GALNT13: variants seen among roughly 807,000 people sequenced by gnomAD.
GALNT13 encodes polypeptide N-acetylgalactosaminyltransferase 13.
Under a neutral mutation model 64.2 loss-of-function variants are expected in GALNT13, and 28 were observed. That is an observed-to-expected ratio of 0.44 (90% CI 0.32 to 0.60). GALNT13 has a LOEUF of 0.60. Among genes scored for constraint, GALNT13 ranks in the 20% least tolerant of loss-of-function variants. GALNT13 has a pLI of 0.05. For synonymous variants in GALNT13, 214 were observed against 224.6 expected (o/e 0.95, Z 0.42); for missense variants, 577 against 669.8 (o/e 0.86, Z 1.53).
At chr2:154,402,074 G>A (rs1699325968) in intron 10 of GALNT13, among the ~76,000 whole-genome samples, 2 of 152,100 alleles carry the variant, frequency 1.3e-5, no homozygotes, top group African/African-American at 4.8e-5. Context: ...AAAGAAAAGA[G>A]AAAACAAATG....
chr2:154,213,271 G>C (rs1330693038), intron 4 of GALNT13, among the ~76,000 whole-genome samples: 1 of 151,960 alleles, frequency 6.6e-6, no homozygotes, highest in Non-Finnish European at 1.5e-5. Context: ...GTAGATATGG[G>C]GTTTTGCCAT....
the GALNT13 span, among the ~76,000 whole-genome samples, chr2:153,527,582 A>C: frequency 9.0e-3 from 1,369 of 152,256 alleles, 25 homozygotes; most frequent in African/African-American, 0.032. Flanking sequence ...TAATCACCTG[A>C]ATGTACAAAA....
the GALNT13 span, among the ~76,000 whole-genome samples, chr2:153,843,114 G>T: frequency 6.6e-6 from 1 of 151,984 alleles, no homozygotes; most frequent in African/African-American, 2.4e-5. Context: ...AGATATATTA[G>T]GCTATTTTTG....
intron 3 of GALNT13, among the ~76,000 whole-genome samples, chr2:154,062,352 T>C (rs934359977): frequency 2.0e-5 from 3 of 152,236 alleles, no homozygotes; most frequent in African/African-American, 7.2e-5. Flanking sequence ...GAGTTATTCT[T>C]TTTCTATTTC....
chr2:153,724,030 C>T, the GALNT13 span, among the ~76,000 whole-genome samples: 1 of 146,686 alleles, frequency 6.8e-6, no homozygotes, highest in Non-Finnish European at 1.5e-5. Flanking sequence ...AAGCTGGAGG[C>T]ATCACACTAC....
At chr2:154,309,013 A>T (rs542081984) in intron 9 of GALNT13, among the ~76,000 whole-genome samples, 1 of 152,028 alleles carries the variant, frequency 6.6e-6, no homozygotes, top group Non-Finnish European at 1.5e-5. Flanking sequence ...CTCTGTCTTC[A>T]GTTGTTAAGT....
chr2:153,119,214 C>T, the GALNT13 span, among the ~76,000 whole-genome samples: 6 of 152,014 alleles, frequency 3.9e-5, no homozygotes, highest in Non-Finnish European at 8.8e-5. Context: ...TTATGAGCAG[C>T]ATGAGAATGA....
the GALNT13 span, among the ~76,000 whole-genome samples, chr2:153,635,757 A>T: frequency 9.2e-5 from 14 of 152,222 alleles, no homozygotes; most frequent in South Asian, 2.7e-3. Flanking sequence ...CAAATATTGC[A>T]TATCTGTGGT....
At chr2:153,782,029 C>A in the GALNT13 span, among the ~76,000 whole-genome samples, 1 of 152,234 alleles carries the variant, frequency 6.6e-6, no homozygotes, top group East Asian at 1.9e-4. Flanking sequence ...CAAGAGAGAT[C>A]TTGAGGCCTG....
chr2:153,116,201 T>A, the GALNT13 span, among the ~76,000 whole-genome samples: 3 of 152,328 alleles, frequency 2.0e-5, no homozygotes, highest in Admixed American at 1.3e-4. Context: ...TATATATATT[T>A]AAAGCTTCAG....
chr2:153,948,480 T>C (rs754401770), intron 3 of GALNT13, among the ~76,000 whole-genome samples: 3 of 152,028 alleles, frequency 2.0e-5, no homozygotes, highest in Non-Finnish European at 4.4e-5. Flanking sequence ...ACAGAAATAC[T>C]ATTCAACCCA....
intron 9 of GALNT13, among the ~76,000 whole-genome samples, chr2:154,303,978 G>A (rs754637687): frequency 3.9e-5 from 6 of 152,094 alleles, no homozygotes; most frequent in East Asian, 1.9e-4. Context: ...GGCTGGTCTC[G>A]AACTCCTGAC....
intron 4 of GALNT13, among the ~76,000 whole-genome samples, chr2:154,198,532 A>T (rs184542688): frequency 7.9e-5 from 12 of 152,056 alleles, no homozygotes; most frequent in Non-Finnish European, 1.6e-4. Flanking sequence ...TGTGACTACC[A>T]TCCTGGAACA....
the GALNT13 span, among the ~76,000 whole-genome samples, chr2:153,726,524 C>T: frequency 3.9e-5 from 6 of 152,214 alleles, no homozygotes; most frequent in East Asian, 3.9e-4. Flanking sequence ...GCAAATAAAA[C>T]GCTTTCAGAC....
At chr2:153,800,719 C>A in the GALNT13 span, among the ~76,000 whole-genome samples, 1 of 152,172 alleles carries the variant, frequency 6.6e-6, no homozygotes, top group Admixed American at 6.5e-5. Context: ...AGAAGCAACT[C>A]ATTCGTTGAA....
chr2:153,921,715 G>A (rs1376212481), intron 2 of GALNT13, among the ~76,000 whole-genome samples: 7 of 152,078 alleles, frequency 4.6e-5, no homozygotes, highest in South Asian at 2.1e-4. Flanking sequence ...TGGAATGGCC[G>A]AGAGATACAG....
At chr2:153,368,218 G>A in the GALNT13 span, among the ~76,000 whole-genome samples, 24,601 of 152,132 alleles carry the variant, frequency 0.16, 2,123 homozygotes, top group South Asian at 0.25. Context: ...GTATTAGGAG[G>A]TGGGGCCTTT....
At chr2:153,932,692 A>G (rs1310369898) in intron 2 of GALNT13, among the ~76,000 whole-genome samples, 1 of 138,868 alleles carries the variant, frequency 7.2e-6, no homozygotes, top group Admixed American at 7.7e-5. Context: ...CAATGGTGCA[A>G]TCTTGGCTCG....
At chr2:153,400,613 G>C in the GALNT13 span, among the ~76,000 whole-genome samples, 1 of 152,026 alleles carries the variant, frequency 6.6e-6, no homozygotes, top group African/African-American at 2.4e-5. Context: ...TCCTGTTATT[G>C]GTCTATTCAG....
Sources: allele counts gnomAD v4.1 joint callset (sites outside exome capture counted in the v4.1 genomes callset), GRCh38; gene constraint gnomAD v4.1.1; transcripts MANE v1.5; gene names NCBI Gene and HGNC (gene_info 2026-07-23, HGNC 2026-07-21).